Variants in RFC1 observed in about 807,000 individuals in gnomAD.
RFC1 encodes the protein A1 140 kDa subunit.
RFC1 carries 37 observed loss-of-function variants against 137.4 expected under a neutral mutation model. That is an observed-to-expected ratio of 0.27 (90% confidence interval 0.21 to 0.35). RFC1 has a LOEUF of 0.35. Among genes scored for constraint, RFC1 ranks in the 10% least tolerant of loss-of-function variants. The probability of loss-of-function intolerance (pLI) is 1.00; values close to 1 mark genes in which losing one functional copy is unlikely to be tolerated. For synonymous variants in RFC1, 429 were observed against 455.7 expected, an observed-to-expected ratio of 0.94 and a Z score of 0.75; for missense variants, 1,205 against 1,358.5, an observed-to-expected ratio of 0.89 and a Z score of 1.78.
At chr4:39,306,290 T>A (rs1161953033) in intron 14 of RFC1, among the ~76,000 whole-genome samples, 2 of 152,240 alleles carry the variant, frequency 1.3e-5, no homozygotes, top group African/African-American at 4.8e-5. Flanking sequence ...TATTTGCATC[T>A]TTCAGAGTCT....
chr4:39,353,292 C>G (rs1290706997), intron 1 of RFC1, among the ~76,000 whole-genome samples: 1 of 142,014 alleles, frequency 7.0e-6, no homozygotes, highest in Non-Finnish European at 1.5e-5. Flanking sequence ...TCCACCTGCT[C>G]TGAAGACTGG....
intron 4 of RFC1, among the ~76,000 whole-genome samples, chr4:39,329,300 A>G (rs1739965432): frequency 6.6e-6 from 1 of 151,926 alleles, no homozygotes; most frequent in Admixed American, 6.6e-5. Context: ...TGGGAATTCA[A>G]GATCAGCCTG....
At chr4:39,305,016 G>T in intron 14 of RFC1, 88 bp from the exon 15 acceptor site, 1 of 774,344 alleles carries the variant, frequency 1.3e-6, no homozygotes, top group South Asian at 1.5e-5. Context: ...AAAGAAAGAA[G>T]GTACAAAATT....
Position 39,302,798 on chromosome 4 carries a change from C to T in RFC1, c.2279G>A (p.Arg760His), listed in dbSNP as rs774151006. 57 of 1,605,260 alleles carry T rather than the reference C, an allele frequency of 3.6e-5. No individual in the cohort carries two copies. Among genetic ancestry groups the T allele is most frequent in the East Asian group, 1.8e-4 (8 of 44,808 alleles). ...MCNDRNHPKI[R>H]SLVHYCFDLR... The stretch of plus-strand genomic sequence containing the variant: ...ATCAAAACAATAATGAACCAGAGAG[C>T]GAATCTTGGGATGATTTCTATCATT... The change falls in exon 17 of 25, where the codon CGC becomes CAC. Residue 760 changes from arginine to histidine, a missense_variant. This residue lies in a region of RFC1 where 962 missense variants were observed against 1,035.3 expected (regional missense o/e 0.93). Transcript: ENST00000349703.
chr4:39,342,433 A>AT lies in RFC1; in HGVS notation c.242dup (p.Asn81LysfsTer14). ...GCAGTTTTTCTGGTGGCTTTTTGGC[A>AT]TTTTTTACCTGCAACGTCTCCTCTG... On this transcript the variant is annotated frameshift_variant, in exon 4 of 25. Coordinates refer to ENST00000349703, the MANE Select transcript of RFC1 (RefSeq NM_002913.5). LOFTEE classifies it high-confidence loss of function. 6.2e-7 allele frequency: 1 copy of AT among 1,613,322 alleles called. No individual in the cohort carries two copies. The highest frequency in any genetic ancestry group is 8.5e-7 in the Non-Finnish European group (1 of 1,179,526).
chr4:39,340,088 G>T (rs1432484994), intron 4 of RFC1, among the ~76,000 whole-genome samples: 1 of 152,138 alleles, frequency 6.6e-6, no homozygotes, highest in Non-Finnish European at 1.5e-5. Context: ...GCTGATGCAG[G>T]TACTAGCGAT....
rs181022568 is a variant in RFC1, at chr4:39,304,195, G to A, written c.2110+619C>T. Among the ~76,000 whole-genome samples the A allele has an allele frequency of 3.9e-5, 6 of 152,254 alleles. No homozygotes were observed. In the East Asian group the frequency reaches 9.6e-4, roughly 24 times the overall value. ...CATAGACTCTAAATAGGCACTGTGCGGTCCTTAACTTGAGCATCTTATTTT... is the reference window on the plus strand; with the variant it reads ...CATAGACTCTAAATAGGCACTGTGCAGTCCTTAACTTGAGCATCTTATTTT... On this transcript the variant is annotated intron_variant, in intron 15 of 24. Transcript: ENST00000349703.
At chr4:39,295,290 G>A (rs1737923073) in intron 22 of RFC1, among the ~76,000 whole-genome samples, 1 of 152,176 alleles carries the variant, frequency 6.6e-6, no homozygotes, top group African/African-American at 2.4e-5. Context: ...TTCTGAAGCT[G>A]CGAAGCTATT....
At chr4:39,294,818 C>T (rs1737893012) in intron 22 of RFC1, among the ~76,000 whole-genome samples, 1 of 152,190 alleles carries the variant, frequency 6.6e-6, no homozygotes, top group Admixed American at 6.5e-5. Context: ...GCTTGGGCAA[C>T]ACGATGAAAC....
rs748879802 is a variant in RFC1, at chr4:39,308,940, T to C, written c.1581A>G (p.Lys527=). 6.2e-7 allele frequency: 1 copy of C among 1,614,154 alleles called. No individual in the cohort carries two copies. The highest frequency in any genetic ancestry group is 2.2e-5 in the East Asian group (1 of 44,890). Residue 527 remains lysine (K), a synonymous_variant, in exon 13 of 25, where the codon AAA becomes AAG. Coordinates refer to ENST00000349703, the MANE Select transcript of RFC1 (RefSeq NM_002913.5). ...ISPSKKESES[K]KSRPTSKRDS... is the part of the protein sequence containing the mutation. The stretch of plus-strand genomic sequence containing the variant: ...CCCTTTTGGAAGTCGGCCTGCTCTT[T>C]TTAGATTCTGATTCCTTTTTAGATG...
chr4:39,340,690 C>G (rs775551510), intron 4 of RFC1, among the ~76,000 whole-genome samples: 1 of 151,860 alleles, frequency 6.6e-6, no homozygotes, highest in East Asian at 1.9e-4. Flanking sequence ...TTTTAATAGT[C>G]TCATTCTCTT....
At chr4:39,347,353 G>A (rs771702603) in intron 2 of RFC1, among the ~76,000 whole-genome samples, 9 of 152,136 alleles carry the variant, frequency 5.9e-5, no homozygotes, top group Non-Finnish European at 1.2e-4. Context: ...CCTCCTGCCC[G>A]ACTGCCTTAG....
At chr4:39,313,641 T>C (rs17288321) in intron 10 of RFC1, among the ~76,000 whole-genome samples, 2,348 of 152,280 alleles carry the variant, frequency 0.015, 53 homozygotes, top group African/African-American at 0.054. Context: ...TGAAGGCTAC[T>C]GAATGCAACT....
rs1739770815 is a variant in RFC1 at position 39,326,434 on chromosome 4, G to C, written c.642+129C>G. The stretch of plus-strand genomic sequence containing the variant: ...ATCATTTATCTTGTATAGAAATTTA[G>C]ATTTTCATTTATTAGATTTTAACTT... On this transcript the variant is annotated intron_variant, in intron 6 of 24. Transcript: ENST00000349703. 1.3e-5 allele frequency: 8 copies of C among 628,194 alleles called. 1 individual carries two copies. In the South Asian group the frequency reaches 1.9e-4, roughly 15 times the overall value. The allele number at this position is 628,194 out of a possible 1,614,324, so 38.9% of individuals were successfully genotyped here.
chr4:39,293,396 G>A (rs1372297674), intron 22 of RFC1, among the ~76,000 whole-genome samples: 1 of 152,124 alleles, frequency 6.6e-6, no homozygotes, highest in East Asian at 1.9e-4. Flanking sequence ...TCCCCTAAAA[G>A]TGTTTTCTTT....
intron 22 of RFC1, among the ~76,000 whole-genome samples, chr4:39,293,913 G>GC (rs1215847933): frequency 2.0e-5 from 3 of 152,196 alleles, no homozygotes; most frequent in Admixed American, 2.0e-4. Context: ...AGACTTTCCA[G>GC]CTTCTGGAGG....
At chr4:39,297,839 C>T (rs1432197516) in intron 21 of RFC1, 1 of 152,140 alleles carries the variant, frequency 6.6e-6, no homozygotes, top group South Asian at 2.1e-4. Context: ...GCTATAAATA[C>T]TTCTTCAAGA....
intron 22 of RFC1, among the ~76,000 whole-genome samples, chr4:39,293,080 G>A (rs1185810484): frequency 6.6e-6 from 1 of 152,136 alleles, no homozygotes; most frequent in Non-Finnish European, 1.5e-5. Context: ...AGAAGCCACA[G>A]CTTTTTTCCT....
chr4:39,328,124 G>A (rs956393899), intron 4 of RFC1, among the ~76,000 whole-genome samples: 9 of 152,220 alleles, frequency 5.9e-5, no homozygotes, highest in African/African-American at 2.2e-4. Flanking sequence ...CAAAGACCCT[G>A]TCTCAAAAAC....
Sources: allele counts gnomAD v4.1 joint callset (sites outside exome capture counted in the v4.1 genomes callset), GRCh38; gene constraint gnomAD v4.1.1; regional missense constraint gnomAD v4.1.1; transcripts MANE v1.5; gene names NCBI Gene and HGNC (gene_info 2026-07-23, HGNC 2026-07-21).